ARHGEF10L: variants seen among roughly 807,000 people sequenced by gnomAD.
ARHGEF10L encodes rho guanine nucleotide exchange factor 10-like protein.
ARHGEF10L carries 69 observed loss-of-function variants against 141.2 expected under a neutral mutation model. The observed-to-expected ratio is 0.49, with a 90% confidence interval of 0.40 to 0.60. The LOEUF is 0.60. Ranked by LOEUF, ARHGEF10L falls within the 20% of genes least tolerant of loss-of-function variation. ARHGEF10L has a pLI of 0.00. For missense variants in ARHGEF10L, 1,482 were observed against 1,734.3 expected (o/e 0.85, Z 2.58); for synonymous variants, 711 against 718.5 (o/e 0.99, Z 0.17).
At chr1:17,596,289 T>C (rs1380224756) in intron 4 of ARHGEF10L, among the ~76,000 whole-genome samples, 3 of 152,254 alleles carry the variant, frequency 2.0e-5, no homozygotes, top group African/African-American at 7.2e-5. Flanking sequence ...AGCAGCAGGC[T>C]GAACCTGGGC....
In ARHGEF10L at chr1:17,607,246, A is replaced by C. The variant is rs2081263925; in HGVS notation, c.434-556A>C. On this transcript the variant is annotated intron_variant, in intron 6 of 28. Coordinates refer to ENST00000361221, the MANE Select transcript of ARHGEF10L (RefSeq NM_018125.4). The surrounding 1 kb of genome is among the most constrained non-coding windows in gnomAD (Gnocchi z 4.5). ...CCCTGGCACTTTGGGAGGCCGTGGC[A>C]GGAGGATCACTTGAGTCCAGGAGCT... Among the ~76,000 whole-genome samples, 1 of 152,194 alleles carries C rather than the reference A, an allele frequency of 6.6e-6. No homozygotes were observed. The highest frequency in any genetic ancestry group is 2.1e-4 in the South Asian group (1 of 4,828).
rs1323225244 is a variant in ARHGEF10L at position 17,696,920 on chromosome 1, C to A, written c.3380C>A (p.Ala1127Asp). The stretch of plus-strand genomic sequence containing the variant: ...CTGGCTGTGGCTACCAGCATCCTGG[C>A]CCCTGACATCCTGCGGAGTGACCAG... ...AFLAVATSILAPDILRSDQEE... is the reference protein window; with the variant it reads ...AFLAVATSILDPDILRSDQEE... The change falls in exon 29 of 29, where the codon GCC becomes GAC. Residue 1127 changes from alanine to aspartate, a missense_variant. Transcript: ENST00000361221. 1.1e-5 allele frequency: 17 copies of A among 1,609,812 alleles called. No individual in the cohort carries two copies. Among genetic ancestry groups the A allele is most frequent in the Middle Eastern group, 1.6e-4 (1 of 6,068 alleles).
At chr1:17,571,164 C>G (rs1293487296) in intron 1 of ARHGEF10L, among the ~76,000 whole-genome samples, 2 of 152,038 alleles carry the variant, frequency 1.3e-5, no homozygotes, top group Admixed American at 1.3e-4. Context: ...CGCGGTGTAG[C>G]CTGAACCTGG....
At chr1:17,687,880 TC>T in intron 27 of ARHGEF10L, 133 bp downstream of exon 27, 2 of 1,011,594 alleles carry the variant, frequency 2.0e-6, no homozygotes, top group South Asian at 1.8e-5. Context: ...TTTGGGGCAC[TC>T]CCCAGGAAGT....
chr1:17,639,755 C>A lies in ARHGEF10L; in HGVS notation c.2172-447C>A. 1 of 921,596 alleles carries A rather than the reference C, an allele frequency of 1.1e-6. No homozygotes were observed. The highest frequency in any genetic ancestry group is 1.5e-6 in the Non-Finnish European group (1 of 652,544). The allele number at this position is 921,596 out of a possible 1,614,324, so 57.1% of individuals were successfully genotyped here. ...TTCTTCATTCATTCCTGTGTCCACT[C>A]AGCAAACATTTACTGAGCAACTGTC... On this transcript the variant is annotated intron_variant, in intron 20 of 28. Coordinates refer to ENST00000361221, the MANE Select transcript of ARHGEF10L (RefSeq NM_018125.4). The surrounding 1 kb of genome is among the most constrained non-coding windows in gnomAD (Gnocchi z 4.3).
chr1:17,550,604 T>C (rs2077075575), intron 1 of ARHGEF10L, among the ~76,000 whole-genome samples: 1 of 150,372 alleles, frequency 6.7e-6, no homozygotes, highest in African/African-American at 2.5e-5. Context: ...GACTGTGCCA[T>C]TGCAGTATAG....
At chr1:17,648,522 C>T (rs749450378) in intron 21 of ARHGEF10L, 32 bp from the exon 22 acceptor site, 4 of 1,610,882 alleles carry the variant, frequency 2.5e-6, no homozygotes, top group Non-Finnish European at 3.4e-6. Context: ...GGACTCTGAC[C>T]AGCTCTACCC....
At chr1:17,617,327 GA>G (rs1032562430) in intron 9 of ARHGEF10L, among the ~76,000 whole-genome samples, 2 of 152,228 alleles carry the variant, frequency 1.3e-5, no homozygotes, top group Non-Finnish European at 2.9e-5. Context: ...ACACAGCTGT[GA>G]ATATGAGTCC....
Position 17,625,901 on chromosome 1 carries a change from G to A in ARHGEF10L, c.1318-55G>A. On this transcript the variant is annotated intron_variant, in intron 13 of 28. Transcript: ENST00000361221. This position sits in a 1 kb window ranked among gnomAD's most constrained non-coding sequence, Gnocchi z 4.5. Reference sequence around the variant, plus strand: ...ATGGGGACAGTGTCTGGACTCTGGGGCACTGGGCCCTCTCTGCAGGGGGTC... The same window carrying A: ...ATGGGGACAGTGTCTGGACTCTGGGACACTGGGCCCTCTCTGCAGGGGGTC... The A allele has an allele frequency of 6.7e-7, 1 of 1,493,512 alleles. No homozygotes were observed. The highest frequency in any genetic ancestry group is 1.1e-5 in the South Asian group (1 of 87,604). 92.5% of individuals were successfully genotyped at this position (1,493,512 alleles called of 1,614,324 possible).
intron 27 of ARHGEF10L, among the ~76,000 whole-genome samples, chr1:17,688,874 A>G (rs573314325): frequency 2.0e-5 from 3 of 152,100 alleles, no homozygotes; most frequent in Non-Finnish European, 2.9e-5. Flanking sequence ...CCCTCTAGCC[A>G]GTCACGATGG....
chr1:17,579,966 C>T (rs1387891114), intron 1 of ARHGEF10L, among the ~76,000 whole-genome samples: 1 of 152,236 alleles, frequency 6.6e-6, no homozygotes, highest in Non-Finnish European at 1.5e-5. Flanking sequence ...CTGTCTTATG[C>T]CATTGGCCTC....
the ARHGEF10L span, among the ~76,000 whole-genome samples, chr1:17,527,692 C>T: frequency 2.6e-5 from 4 of 151,650 alleles, no homozygotes; most frequent in African/African-American, 7.3e-5. Flanking sequence ...TTTTTCTACG[C>T]CTGAAACATC....
chr1:17,522,079 A>T, the ARHGEF10L span, among the ~76,000 whole-genome samples: 1 of 152,128 alleles, frequency 6.6e-6, no homozygotes, highest in South Asian at 2.1e-4. Flanking sequence ...AGGATCTTCG[A>T]TACCACTGTC....
At chr1:17,564,261 C>G (rs2077659453) in intron 1 of ARHGEF10L, among the ~76,000 whole-genome samples, 1 of 152,156 alleles carries the variant, frequency 6.6e-6, no homozygotes, top group East Asian at 1.9e-4. Flanking sequence ...CTGCCCTCAG[C>G]CCCCAGGTGG....
chr1:17,533,912 C>G, the ARHGEF10L span, among the ~76,000 whole-genome samples: 1 of 151,942 alleles, frequency 6.6e-6, no homozygotes, highest in Non-Finnish European at 1.5e-5. Context: ...TATGCGAGGC[C>G]GGTATCCAGA....
At chr1:17,544,007 C>T (rs111651778) in intron 1 of ARHGEF10L, among the ~76,000 whole-genome samples, 1 of 147,940 alleles carries the variant, frequency 6.8e-6, no homozygotes, top group Admixed American at 6.8e-5. Context: ...AATGCAGTGG[C>T]GTGATCTCTG....
rs1026121991 is a variant in ARHGEF10L, at chr1:17,627,878, C to G, written c.1584+375C>G. ...CCACCCTCTCTGAACCTCACTTGCT[C>G]CCTTTGAAATGAGGAGCATTTAATA... On this transcript the variant is annotated intron_variant, in intron 15 of 28. Transcript: ENST00000361221. This position sits in a 1 kb window ranked among gnomAD's most constrained non-coding sequence, Gnocchi z 4.0. Among the ~76,000 whole-genome samples, 2 of 152,076 alleles carry G rather than the reference C, an allele frequency of 1.3e-5. No individual in the cohort carries two copies. The highest frequency in any genetic ancestry group is 2.4e-5 in the African/African-American group (1 of 41,420).
At position 17,626,068 on chromosome 1, in the gene ARHGEF10L, C is replaced by T. The variant is rs751573256; in HGVS notation, c.1410+20C>T. 9.3e-6 allele frequency: 15 copies of T among 1,610,704 alleles called. No homozygotes were observed. The South Asian group carries it at 1.6e-4, about 18-fold the overall frequency. On this transcript the variant is annotated intron_variant, in intron 14 of 28. Coordinates refer to ENST00000361221, the MANE Select transcript of ARHGEF10L (RefSeq NM_018125.4). ...CTTCAGGTACTGCTCAGGATTCCAG[C>T]AGCTTCAACCCACAGGGTTTGCCTG...
At chr1:17,626,847 G>A (rs774939769) in intron 14 of ARHGEF10L, among the ~76,000 whole-genome samples, 4 of 152,208 alleles carry the variant, frequency 2.6e-5, no homozygotes, top group Admixed American at 6.5e-5. Flanking sequence ...ACACGTATAC[G>A]TGGAATCATA....
Sources: gnomAD v4.1 joint callset for allele counts (sites outside exome capture counted in the v4.1 genomes callset) on GRCh38, gnomAD v4.1.1 for gene constraint, Gnocchi (gnomAD v3.1) non-coding constraint, MANE v1.5 for transcripts, NCBI Gene and HGNC (gene_info 2026-07-23, HGNC 2026-07-21) for gene names.